Variants in UBE2H observed in about 807,000 individuals in gnomAD.
UBE2H encodes ubiquitin conjugating enzyme E2 H, also known as ubiquitin-conjugating enzyme E2 H.
In UBE2H, 3 loss-of-function variants were observed where a neutral mutation model predicts 29.0. The ratio of observed to expected loss-of-function variants is 0.10; its 90% CI spans 0.05 to 0.27. UBE2H has a LOEUF of 0.27. UBE2H is among the 10% of genes least tolerant of loss of function. The pLI, the probability that UBE2H is intolerant of heterozygous loss-of-function variation, is 1.00. For synonymous variants in UBE2H, 69 were observed against 82.9 expected (o/e 0.83, Z 0.91); for missense variants, 68 against 228.2 (o/e 0.30, Z 4.52).
chr7:129,947,747 T>TA (rs11421202), intron 1 of UBE2H, among the ~76,000 whole-genome samples: 144,945 of 152,194 alleles, frequency 0.95, 69,314 homozygotes, highest in East Asian at 1. Context: ...CCTTTCCGAC[T>TA]AAAAAAGTTT....
chr7:129,944,699 G>A (rs1371352515), intron 1 of UBE2H, among the ~76,000 whole-genome samples: 9 of 149,412 alleles, frequency 6.0e-5, no homozygotes, highest in South Asian at 4.2e-4. Flanking sequence ...AAACACACAC[G>A]TGCGCATGCG....
chr7:129,868,628 G>C (rs1294715377), intron 3 of UBE2H, among the ~76,000 whole-genome samples: 1 of 146,918 alleles, frequency 6.8e-6, no homozygotes, highest in Non-Finnish European at 1.5e-5. Context: ...AAATGGACAA[G>C]TCCTCTGATA....
chr7:129,915,524 ACT>A (rs776078786), intron 1 of UBE2H, among the ~76,000 whole-genome samples: 1 of 152,070 alleles, frequency 6.6e-6, no homozygotes. Flanking sequence ...ACAGAGCGAG[ACT>A]CTGTCTCAAA....
At chr7:129,929,208 T>C (rs961541417) in intron 1 of UBE2H, among the ~76,000 whole-genome samples, 2 of 151,878 alleles carry the variant, frequency 1.3e-5, no homozygotes, top group Non-Finnish European at 2.9e-5. Context: ...TCCCAGCTAC[T>C]TGGGGGGCCG....
At chr7:129,837,862 C>A (rs1229627611) in intron 6 of UBE2H, among the ~76,000 whole-genome samples, 1 of 152,140 alleles carries the variant, frequency 6.6e-6, no homozygotes, top group Non-Finnish European at 1.5e-5. Flanking sequence ...GGGGTCCGTA[C>A]GCTGGAGTGA....
intron 1 of UBE2H, among the ~76,000 whole-genome samples, chr7:129,942,626 C>T (rs1807670847): frequency 6.6e-6 from 1 of 152,154 alleles, no homozygotes; most frequent in African/African-American, 2.4e-5. Flanking sequence ...AGATATTATT[C>T]AGACTTCAAC....
At chr7:129,934,993 G>A (rs1350453758) in intron 1 of UBE2H, among the ~76,000 whole-genome samples, 8 of 150,994 alleles carry the variant, frequency 5.3e-5, no homozygotes, top group African/African-American at 1.5e-4. Flanking sequence ...GTATATATAT[G>A]TGTGTGTATA....
intron 1 of UBE2H, among the ~76,000 whole-genome samples, chr7:129,887,746 G>A (rs1035492745): frequency 2.7e-5 from 4 of 149,318 alleles, no homozygotes; most frequent in East Asian, 2.0e-4. Context: ...CTAAAAATAC[G>A]AAATTAGCCA....
At chr7:129,836,843 G>C (rs1268958352) in intron 6 of UBE2H, among the ~76,000 whole-genome samples, 1 of 127,130 alleles carries the variant, frequency 7.9e-6, no homozygotes, top group Non-Finnish European at 1.6e-5. Flanking sequence ...TCGCACCACT[G>C]CACTCCAGCC....
At chr7:129,899,926 G>C (rs559260780) in intron 1 of UBE2H, among the ~76,000 whole-genome samples, 1 of 152,086 alleles carries the variant, frequency 6.6e-6, no homozygotes, top group Non-Finnish European at 1.5e-5. Context: ...TGAGGAGTAC[G>C]AGACCAGCCT....
chr7:129,912,405 TG>T, intron 1 of UBE2H, among the ~76,000 whole-genome samples: 1 of 152,194 alleles, frequency 6.6e-6, no homozygotes. Context: ...TTTAAAGAGA[TG>T]GGGTCTCATA....
intron 5 of UBE2H, among the ~76,000 whole-genome samples, chr7:129,852,511 T>C (rs1443843419): frequency 6.6e-6 from 1 of 152,196 alleles, no homozygotes; most frequent in Non-Finnish European, 1.5e-5. Flanking sequence ...CTCAAAGTCC[T>C]TGAAGTATTC....
intron 3 of UBE2H, 25 bp downstream of exon 3, chr7:129,879,543 G>C (rs374163084): frequency 9.9e-5 from 158 of 1,601,318 alleles, no homozygotes; most frequent in Non-Finnish European, 1.3e-4. Flanking sequence ...AACTCTCTAA[G>C]GAGAAAAACC....
Position 129,844,231 on chromosome 7 carries a change from C to T in UBE2H, c.299-4896G>A, listed in dbSNP as rs899548361. On this transcript the variant is annotated intron_variant, in intron 5 of 6. Transcript: ENST00000355621. ...CAGTTTTGGGTGAAGATGACAACTT[C>T]GGGAGGCCAGGATGTGATGGCTCTG... is the stretch of plus-strand genomic sequence containing the variant. Among the ~76,000 whole-genome samples the T allele has an allele frequency of 9.2e-5, 14 of 152,140 alleles. No homozygotes were observed. In the East Asian group the frequency reaches 1.9e-3, roughly 21 times the overall value.
chr7:129,946,265 T>TA (rs1446674307), intron 1 of UBE2H, among the ~76,000 whole-genome samples: 1 of 151,892 alleles, frequency 6.6e-6, no homozygotes, highest in African/African-American at 2.4e-5. Flanking sequence ...TTTACCATGT[T>TA]AGCCAGGATG....
chr7:129,904,552 A>G (rs184521333), intron 1 of UBE2H, among the ~76,000 whole-genome samples: 170 of 152,150 alleles, frequency 1.1e-3, no homozygotes, highest in African/African-American at 3.7e-3. Context: ...CATGAGTACT[A>G]TTTTGTCTTT....
intron 6 of UBE2H, among the ~76,000 whole-genome samples, chr7:129,837,840 T>C (rs1805358862): frequency 6.6e-6 from 1 of 152,156 alleles, no homozygotes; most frequent in South Asian, 2.1e-4. Context: ...ACATGAACAT[T>C]TCCGAAGGCT....
chr7:129,896,555 A>C (rs990367816), intron 1 of UBE2H, among the ~76,000 whole-genome samples: 1 of 151,964 alleles, frequency 6.6e-6, no homozygotes, highest in Non-Finnish European at 1.5e-5. Flanking sequence ...ACAGGCATGC[A>C]TCAGCACATC....
At chr7:129,944,979 T>C (rs979486298) in intron 1 of UBE2H, among the ~76,000 whole-genome samples, 1 of 151,896 alleles carries the variant, frequency 6.6e-6, no homozygotes, top group African/African-American at 2.4e-5. Flanking sequence ...CTAAATAACA[T>C]GGGTGAATCT....
Sources: allele counts gnomAD v4.1 joint callset (sites outside exome capture counted in the v4.1 genomes callset), GRCh38; gene constraint gnomAD v4.1.1; transcripts MANE v1.5; gene names NCBI Gene and HGNC (gene_info 2026-07-23, HGNC 2026-07-21).